Variants in MACROD2 observed in about 807,000 individuals in gnomAD.
The protein encoded by MACROD2 is mono-ADP ribosylhydrolase 2, also known as ADP-ribose glycohydrolase MACROD2.
MACROD2 carries 36 observed loss-of-function variants against 70.4 expected under a neutral mutation model. The ratio of observed to expected loss-of-function variants is 0.51; its 90% confidence interval spans 0.39 to 0.68. The LOEUF (loss-of-function observed/expected upper bound fraction) is 0.68. Among genes scored for constraint, MACROD2 ranks in the 30% least tolerant of loss-of-function variants. The pLI, the probability that MACROD2 is intolerant of heterozygous loss-of-function variation, is 0.00. For synonymous variants in MACROD2, 172 were observed against 178.8 expected, an observed-to-expected ratio of 0.96 and a Z score of 0.30; for missense variants, 496 against 538.4, an observed-to-expected ratio of 0.92 and a Z score of 0.78.
chr20:14,630,646 C>A (rs1984455748), intron 4 of MACROD2, among the ~76,000 whole-genome samples: 1 of 152,066 alleles, frequency 6.6e-6, no homozygotes, highest in Non-Finnish European at 1.5e-5. Flanking sequence ...GCCTGCATCT[C>A]TAGTGTTTGA....
chr20:15,599,571 T>C (rs576425581), intron 8 of MACROD2, among the ~76,000 whole-genome samples: 11 of 152,306 alleles, frequency 7.2e-5, no homozygotes, highest in African/African-American at 2.6e-4. Flanking sequence ...CCCTGAGTTC[T>C]CATCACCTGT....
intron 3 of MACROD2, among the ~76,000 whole-genome samples, chr20:14,290,354 C>T (rs1328959040): frequency 2.0e-5 from 3 of 152,150 alleles, no homozygotes; most frequent in African/African-American, 7.2e-5. Context: ...TTGGGTCTTA[C>T]ACCAAACAAG....
intron 3 of MACROD2, among the ~76,000 whole-genome samples, chr20:14,162,579 T>G (rs2055206007): frequency 6.6e-6 from 1 of 152,184 alleles, no homozygotes; most frequent in Non-Finnish European, 1.5e-5. Flanking sequence ...AATTGTTATA[T>G]TCTCTTGTGG....
In MACROD2 at chr20:15,043,613, C is replaced by G. The variant is rs115653974; in HGVS notation, c.419-186327C>G. ...CGCCTCTTCCCTTTTCTCTTTCCCCCAGTCAAAAAGAAGCTTTTGCAGTCT... is the reference window on the plus strand; with the variant it reads ...CGCCTCTTCCCTTTTCTCTTTCCCCGAGTCAAAAAGAAGCTTTTGCAGTCT... On this transcript the variant is annotated intron_variant, in intron 5 of 17. Coordinates refer to ENST00000684519, the MANE Select transcript of MACROD2 (RefSeq NM_001351661.2). Among the ~76,000 whole-genome samples, 1,185 of 152,280 alleles carry G rather than the reference C, an allele frequency of 7.8e-3. 16 individuals are homozygous for G. Among genetic ancestry groups the G allele is most frequent in the African/African-American group, 0.027 (1,105 of 41,570 alleles).
rs138502643 is a variant in MACROD2 at position 15,863,272 on chromosome 20, A to G, written c.727+446A>G. On this transcript the variant is annotated intron_variant, in intron 9 of 17. Coordinates refer to ENST00000684519, the MANE Select transcript of MACROD2 (RefSeq NM_001351661.2). ...CAAACTTTTCCTGCATTCCATCCCT[A>G]TTCCTTCCCAAGTTTCTCACTCCAA... 2.0e-5 allele frequency among the ~76,000 whole-genome samples: 3 copies of G among 152,118 alleles called. No individual in the cohort carries two copies. In the East Asian group the frequency reaches 5.8e-4, roughly 30 times the overall value.
At chr20:15,606,828 C>G (rs2048899893) in intron 8 of MACROD2, among the ~76,000 whole-genome samples, 1 of 151,988 alleles carries the variant, frequency 6.6e-6, no homozygotes, top group African/African-American at 2.4e-5. Context: ...CATGGAGAAA[C>G]CCCGTCTCTA....
At chr20:15,334,448 C>T (rs2078026593) in intron 6 of MACROD2, among the ~76,000 whole-genome samples, 2 of 151,654 alleles carry the variant, frequency 1.3e-5, no homozygotes, top group African/African-American at 4.9e-5. Flanking sequence ...GTAGTTCTGA[C>T]TCAACCTCTA....
chr20:15,628,189 G>A (rs756236742), intron 8 of MACROD2, among the ~76,000 whole-genome samples: 24 of 152,166 alleles, frequency 1.6e-4, no homozygotes, highest in Non-Finnish European at 2.9e-5. Context: ...AAAACACTAA[G>A]CATTAATCAA....
At chr20:14,742,903 T>A (rs953467037) in intron 5 of MACROD2, among the ~76,000 whole-genome samples, 2 of 150,624 alleles carry the variant, frequency 1.3e-5, no homozygotes, top group Middle Eastern at 3.4e-3. Context: ...AGTAGCTGGG[T>A]CTACAGGCGC....
At chr20:15,829,729 A>G (rs1017747031) in intron 8 of MACROD2, among the ~76,000 whole-genome samples, 6 of 152,150 alleles carry the variant, frequency 3.9e-5, no homozygotes, top group East Asian at 3.9e-4. Flanking sequence ...CCACAGTCAC[A>G]CTCTTAAGTT....
chr20:14,671,602 T>G (rs1475962549), intron 4 of MACROD2, among the ~76,000 whole-genome samples: 2 of 152,178 alleles, frequency 1.3e-5, no homozygotes, highest in African/African-American at 4.8e-5. Flanking sequence ...TAGTGTGTGA[T>G]CTGTAACTAA....
chr20:15,547,157 A>C (rs2048036195), intron 8 of MACROD2, among the ~76,000 whole-genome samples: 1 of 152,162 alleles, frequency 6.6e-6, no homozygotes, highest in Non-Finnish European at 1.5e-5. Flanking sequence ...ACTATATTTC[A>C]GTTTCAGTTA....
chr20:15,546,727 G>A (rs1166296329), intron 8 of MACROD2, among the ~76,000 whole-genome samples: 1 of 152,118 alleles, frequency 6.6e-6, no homozygotes, highest in Non-Finnish European at 1.5e-5. Context: ...CTCTTTAGAG[G>A]TTGCTGCACT....
At position 14,356,421 on chromosome 20, in the gene MACROD2, C is replaced by T. The variant is rs149290186; in HGVS notation, c.272-137058C>T. ...GAAATAACTTATTTAGTCCATAAAT[C>T]TCAATAGTTATAGCTCATCTCTGCT... is the stretch of plus-strand genomic sequence containing the variant. On this transcript the variant is annotated intron_variant, in intron 3 of 17. Coordinates refer to ENST00000684519, the MANE Select transcript of MACROD2 (RefSeq NM_001351661.2). 7.3e-5 allele frequency among the ~76,000 whole-genome samples: 11 copies of T among 151,514 alleles called. No homozygotes were observed. In the East Asian group the frequency reaches 2.1e-3, roughly 29 times the overall value.
chr20:15,436,267 A>G (rs879257824), intron 7 of MACROD2, among the ~76,000 whole-genome samples: 1 of 152,266 alleles, frequency 6.6e-6, no homozygotes, highest in South Asian at 2.1e-4. Flanking sequence ...ACAGTTCCAC[A>G]TGGCTGGGGA....
At chr20:14,681,562 G>C (rs1172616873) in intron 4 of MACROD2, among the ~76,000 whole-genome samples, 2 of 152,162 alleles carry the variant, frequency 1.3e-5, no homozygotes, top group Admixed American at 1.3e-4. Context: ...ATCAAAGTCA[G>C]AACAGGAACT....
intron 5 of MACROD2, among the ~76,000 whole-genome samples, chr20:15,081,476 G>A (rs2075703136): frequency 6.6e-6 from 1 of 152,132 alleles, no homozygotes; most frequent in Admixed American, 6.5e-5. Flanking sequence ...TCAGAACTCA[G>A]TCTTGTATCC....
chr20:14,526,898 C>T (rs930039115), intron 4 of MACROD2, among the ~76,000 whole-genome samples: 2 of 152,226 alleles, frequency 1.3e-5, no homozygotes, highest in East Asian at 1.9e-4. Context: ...CTTGTATTAG[C>T]TCAGTTAGAC....
At chr20:15,476,106 G>A (rs1290800433) in intron 7 of MACROD2, among the ~76,000 whole-genome samples, 1 of 152,110 alleles carries the variant, frequency 6.6e-6, no homozygotes, top group East Asian at 1.9e-4. Context: ...GTAATACAAA[G>A]ATAAGTTATC....
Sources: gnomAD v4.1 joint callset for allele counts (sites outside exome capture counted in the v4.1 genomes callset) on GRCh38, gnomAD v4.1.1 for gene constraint, MANE v1.5 for transcripts, NCBI Gene and HGNC (gene_info 2026-07-23, HGNC 2026-07-21) for gene names.